Variants in PRKN observed in about 807,000 individuals in gnomAD.
PRKN encodes the protein E3 ubiquitin-protein ligase parkin.
A neutral mutation model predicts 59.5 loss-of-function variants in PRKN; 56 were observed. The ratio of observed to expected loss-of-function variants is 0.94; its 90% CI spans 0.76 to 1.18. The LOEUF is 1.18. PRKN is among the 50% of genes most tolerant of loss of function. The pLI, the probability that PRKN is intolerant of heterozygous loss-of-function variation, is 0.00. For missense variants in PRKN, 657 were observed against 596.4 expected, an observed-to-expected ratio of 1.10 and a Z score of -1.06; for synonymous variants, 250 against 222.1, an observed-to-expected ratio of 1.13 and a Z score of -1.12.
chr6:162,299,225 C>A (rs73598166), intron 2 of PRKN, among the ~76,000 whole-genome samples: 1 of 152,172 alleles, frequency 6.6e-6, no homozygotes, highest in Non-Finnish European at 1.5e-5. Context: ...GATGGTGGGA[C>A]GCTGCCCATG....
intron 8 of PRKN, among the ~76,000 whole-genome samples, chr6:161,556,750 A>G (rs1360386898): frequency 1.3e-5 from 2 of 152,218 alleles, no homozygotes; most frequent in Non-Finnish European, 2.9e-5. Context: ...CATTTTATAA[A>G]CAGACTAACT....
rs1349804063 is a variant in PRKN, at chr6:161,466,650, C to G, written c.1084-79773G>C. Among the ~76,000 whole-genome samples, 3 of 152,184 alleles carry G rather than the reference C, an allele frequency of 2.0e-5. No homozygotes were observed. The highest frequency in any genetic ancestry group is 4.4e-5 in the Non-Finnish European group (3 of 68,026). ...CTGGTAAGGACTGCACTCAAAGTAA[C>G]AGGAGGGCCTAACCTTAAATAAATA... On this transcript the variant is annotated intron_variant, in intron 9 of 11. Coordinates refer to ENST00000366898, the MANE Select transcript of PRKN (RefSeq NM_004562.3). The surrounding 1 kb of genome is among the most constrained non-coding windows in gnomAD (Gnocchi z 5.0).
At chr6:162,184,607 T>C (rs2128324172) in intron 4 of PRKN, among the ~76,000 whole-genome samples, 1 of 152,288 alleles carries the variant, frequency 6.6e-6, no homozygotes, top group Admixed American at 6.5e-5. Flanking sequence ...GTAAGTTTCC[T>C]GAGACCTCCC....
chr6:161,430,814 C>CAAAAA (rs35611748), intron 9 of PRKN, among the ~76,000 whole-genome samples: 14 of 58,318 alleles, frequency 2.4e-4, no homozygotes, highest in Non-Finnish European at 3.0e-4. Flanking sequence ...GACTCCGTCT[C>CAAAAA]AAAAAAAAAA....
intron 6 of PRKN, among the ~76,000 whole-genome samples, chr6:161,897,782 C>T (rs1188212700): frequency 6.7e-6 from 1 of 148,220 alleles, no homozygotes; most frequent in African/African-American, 2.5e-5. Context: ...GAGATCGAGA[C>T]CAAGGTGAAA....
chr6:161,926,490 A>G (rs976477858), intron 6 of PRKN, among the ~76,000 whole-genome samples: 1 of 152,188 alleles, frequency 6.6e-6, no homozygotes, highest in Admixed American at 6.5e-5. Flanking sequence ...GTAAAGATGA[A>G]GTACTGAATA....
chr6:162,202,153 G>A (rs1413900354), intron 3 of PRKN, among the ~76,000 whole-genome samples: 1 of 151,904 alleles, frequency 6.6e-6, no homozygotes. Context: ...TGACATAAAA[G>A]TTTCTTTGAA....
chr6:162,322,980 C>G (rs986869982), intron 2 of PRKN, among the ~76,000 whole-genome samples: 1 of 147,482 alleles, frequency 6.8e-6, no homozygotes, highest in Non-Finnish European at 1.5e-5. Context: ...AATGAAAAAC[C>G]AAACACCGCA....
intron 4 of PRKN, among the ~76,000 whole-genome samples, chr6:162,141,217 C>T (rs1781765320): frequency 1.3e-5 from 2 of 152,114 alleles, no homozygotes; most frequent in South Asian, 2.1e-4. Flanking sequence ...TGCTAGCATA[C>T]TCACGTTTTT....
intron 7 of PRKN, among the ~76,000 whole-genome samples, chr6:161,687,559 C>T (rs1225447295): frequency 6.6e-6 from 1 of 151,036 alleles, no homozygotes; most frequent in African/African-American, 2.4e-5. Flanking sequence ...TGGGTTCAAG[C>T]AATTTTTCTG....
intron 7 of PRKN, among the ~76,000 whole-genome samples, chr6:161,758,579 T>C (rs1331562334): frequency 1.3e-5 from 2 of 152,200 alleles, no homozygotes; most frequent in Non-Finnish European, 2.9e-5. Context: ...GCTATGTTCC[T>C]TACATTGATT....
At chr6:161,646,484 T>A (rs374148560) in intron 7 of PRKN, among the ~76,000 whole-genome samples, 1 of 112,624 alleles carries the variant, frequency 8.9e-6, no homozygotes, top group African/African-American at 3.2e-5. Flanking sequence ...TGACTGCGTG[T>A]GCATGCGTGG....
intron 6 of PRKN, among the ~76,000 whole-genome samples, chr6:161,802,400 C>A (rs1265318377): frequency 6.6e-6 from 1 of 151,602 alleles, no homozygotes; most frequent in African/African-American, 2.4e-5. Flanking sequence ...ACATATGACA[C>A]ACACACACCC....
At chr6:161,898,454 A>G (rs1029546018) in intron 6 of PRKN, among the ~76,000 whole-genome samples, 29 of 152,178 alleles carry the variant, frequency 1.9e-4, no homozygotes, top group Non-Finnish European at 1.2e-4. Flanking sequence ...ACACTTCACA[A>G]CAGTTCTCCA....
At chr6:161,477,975 G>T (rs6937182) in intron 9 of PRKN, among the ~76,000 whole-genome samples, 30,876 of 152,076 alleles carry the variant, frequency 0.2, 3,653 homozygotes, top group African/African-American at 0.33. Context: ...GCAAATGAAC[G>T]GTTGTACCTG....
At chr6:161,441,501 T>C (rs1789222561) in intron 9 of PRKN, among the ~76,000 whole-genome samples, 1 of 151,660 alleles carries the variant, frequency 6.6e-6, no homozygotes, top group African/African-American at 2.4e-5. Flanking sequence ...AAAAATTTGC[T>C]GGGCGTGGTG....
At chr6:162,013,175 T>A (rs1176417992) in intron 5 of PRKN, among the ~76,000 whole-genome samples, 3 of 152,178 alleles carry the variant, frequency 2.0e-5, no homozygotes, top group Non-Finnish European at 4.4e-5. Context: ...TATTTATGTA[T>A]GTATTTATTT....
intron 4 of PRKN, among the ~76,000 whole-genome samples, chr6:162,167,830 AACTGTGTTC>A (rs1219637232): frequency 2.0e-5 from 3 of 152,190 alleles, no homozygotes; most frequent in African/African-American, 7.2e-5. Context: ...GGCAAACACC[AACTGTGTTC>A]TTTCTTGATT....
intron 6 of PRKN, among the ~76,000 whole-genome samples, chr6:161,799,882 G>T (rs1202832448): frequency 6.6e-6 from 1 of 152,150 alleles, no homozygotes; most frequent in African/African-American, 2.4e-5. Flanking sequence ...CAAGTGGAAA[G>T]GCACTTAGGT....
Sources: gnomAD v4.1 joint callset for allele counts (sites outside exome capture counted in the v4.1 genomes callset) on GRCh38, gnomAD v4.1.1 for gene constraint, Gnocchi (gnomAD v3.1) non-coding constraint, MANE v1.5 for transcripts, NCBI Gene and HGNC (gene_info 2026-07-23, HGNC 2026-07-21) for gene names.